The following GNL3L variants were observed in gnomAD, a reference collection of about 807,000 sequenced individuals.
GNL3L encodes the protein G protein nucleolar 3 like, also known as guanine nucleotide-binding protein-like 3-like protein.
GNL3L carries 4 observed loss-of-function variants against 42.9 expected under a neutral mutation model. The observed-to-expected ratio is 0.09, with a 90% CI of 0.05 to 0.21. GNL3L has a LOEUF of 0.21. GNL3L is among the 10% of genes least tolerant of loss of function. GNL3L has a pLI of 1.00. For missense variants in GNL3L, 412 were observed against 481.7 expected (o/e 0.86, Z 1.36); for synonymous variants, 159 against 176.3 (o/e 0.90, Z 0.78).
At chrX:54,638,932 C>T in the GNL3L span, among the ~76,000 whole-genome samples, 1 of 111,425 alleles carries the variant, frequency 9.0e-6, no homozygotes, top group Non-Finnish European at 1.9e-5. Context: ...TTTGCCCCAG[C>T]ATTACCCTGG....
intron 16 of GNL3L, among the ~76,000 whole-genome samples, chrX:54,584,283 C>T (rs1377068593): frequency 4.5e-5 from 5 of 110,105 alleles, no homozygotes; most frequent in Non-Finnish European, 9.4e-5. Context: ...CCACCCGCCT[C>T]GGCCTCTGAA....
chrX:54,533,367 C>CAA (rs771261021), intron 2 of GNL3L, among the ~76,000 whole-genome samples: 2 of 59,553 alleles, frequency 3.4e-5, no homozygotes, highest in African/African-American at 6.3e-5. Flanking sequence ...GACGCTGTCT[C>CAA]AAAAAAAAAA....
the GNL3L span, among the ~76,000 whole-genome samples, chrX:54,640,545 C>A: frequency 3.6e-5 from 4 of 112,216 alleles, no homozygotes; most frequent in Non-Finnish European, 7.5e-5. Flanking sequence ...ATTCACTTAA[C>A]CCTTCTCTTG....
rs763877065 is a variant in GNL3L, at chrX:54,608,263, A to G, written c.*46-12582A>G. Among the ~76,000 whole-genome samples, 5 of 111,503 alleles carry G rather than the reference A, an allele frequency of 4.5e-5. No homozygotes were observed. In the East Asian group the frequency reaches 1.4e-3, roughly 31 times the overall value. On this transcript the variant is annotated intron_variant, in intron 16 of 16. Coordinates refer to the GNL3L transcript ENST00000674498. ...TGGAGATACATGTCATTATTTTTAA[A>G]TTGCTTTTATATATGACACTTTAAG...
chrX:54,634,424 C>G, the GNL3L span, among the ~76,000 whole-genome samples: 1 of 112,155 alleles, frequency 8.9e-6, no homozygotes, highest in African/African-American at 3.2e-5. Context: ...GCCTCAGCCT[C>G]CCAAGTAGCT....
intron 16 of GNL3L, among the ~76,000 whole-genome samples, chrX:54,617,069 G>T (rs184620515): frequency 2.7e-5 from 3 of 111,998 alleles, no homozygotes; most frequent in Non-Finnish European, 5.6e-5. Flanking sequence ...TAACCAAGAA[G>T]GAGGCTGTTC....
intron 16 of GNL3L, among the ~76,000 whole-genome samples, chrX:54,614,784 C>T (rs1926203034): frequency 9.0e-6 from 1 of 111,481 alleles, no homozygotes; most frequent in Non-Finnish European, 1.9e-5. Flanking sequence ...CTCCTGGGTC[C>T]TGCAGGTGCA....
At chrX:54,639,237 A>G in the GNL3L span, among the ~76,000 whole-genome samples, 1 of 112,164 alleles carries the variant, frequency 8.9e-6, no homozygotes, top group African/African-American at 3.2e-5. Flanking sequence ...GTTACATTAA[A>G]AAAAATTTAA....
Position 54,545,885 on chromosome X carries a change from G to GGTC in GNL3L, c.630+1559_630+1560insGTC, listed in dbSNP as rs1924758099. ...ATACAGATATTTAGGGTCTCAATTG[G>GGTC]TCATCCAGGCCTCAGTGCAGTGGCG... On this transcript the variant is annotated intron_variant, in intron 8 of 15. Transcript: ENST00000360845. Among the ~76,000 whole-genome samples the GGTC allele has an allele frequency of 2.7e-5, 3 of 112,144 alleles. No individual in the cohort carries two copies. The Admixed American group carries it at 2.8e-4, about 11-fold the overall frequency.
chrX:54,589,087 C>T (rs906210228), intron 16 of GNL3L, among the ~76,000 whole-genome samples: 14 of 111,044 alleles, frequency 1.3e-4, no homozygotes, highest in Admixed American at 1.2e-3. Flanking sequence ...TGTTTTGATA[C>T]AGGCATGCAA....
In GNL3L at chrX:54,617,342, C is replaced by T. The variant is rs181915027; in HGVS notation, c.*46-3503C>T. 2.5e-3 allele frequency among the ~76,000 whole-genome samples: 283 copies of T among 112,079 alleles called. 1 individual carries two copies. Among genetic ancestry groups the T allele is most frequent in the African/African-American group, 8.9e-3 (275 of 30,857 alleles). On this transcript the variant is annotated intron_variant, in intron 16 of 16. Coordinates refer to the GNL3L transcript ENST00000674498. ...TTCTTGAATGAGTTGTTCACACTTA[C>T]GTTTCCTCACCTTTTACCCACTCAT...
At chrX:54,535,526 T>C (rs1388256591) in intron 2 of GNL3L, among the ~76,000 whole-genome samples, 1 of 112,155 alleles carries the variant, frequency 8.9e-6, no homozygotes, top group Non-Finnish European at 1.9e-5. Context: ...GGTAATTAAG[T>C]TATGTTGGTA....
chrX:54,548,910 G>A (rs1386732113), intron 9 of GNL3L, among the ~76,000 whole-genome samples: 1 of 111,482 alleles, frequency 9.0e-6, no homozygotes, highest in Admixed American at 9.6e-5. Context: ...AGATACAGAA[G>A]AAGACACAGA....
chrX:54,549,317 G>A (rs1183229897), intron 9 of GNL3L, among the ~76,000 whole-genome samples: 2 of 111,143 alleles, frequency 1.8e-5, no homozygotes, highest in Non-Finnish European at 3.8e-5. Flanking sequence ...CACATCTAGC[G>A]AGACAGAACC....
rs779858606 is a variant in GNL3L at position 54,541,379 on chromosome X, T to C, written c.296T>C (p.Phe99Ser). 8.6e-7 allele frequency: 1 copy of C among 1,166,418 alleles called. No individual in the cohort carries two copies. Among genetic ancestry groups the C allele is most frequent in the African/African-American group, 1.8e-5 (1 of 56,353 alleles). The change falls in exon 5 of 16, where the codon TTT (phenylalanine) becomes TCT (serine). Residue 99 changes from phenylalanine to serine, a missense_variant. Physicochemically the swap from Phe to Ser is radical, Grantham distance 155. Coordinates refer to ENST00000360845, the MANE Select transcript of GNL3L (RefSeq NM_001184819.2). ...CQDVLRRQEE[F>S]EHKEEVLQEL... is the part of the protein sequence containing the mutation. Reference sequence around the variant, plus strand: ...GATGTCCTAAGACGCCAGGAGGAGTTTGAGCATAAGGTAAGAGTGCAGCCC... The same window carrying C: ...GATGTCCTAAGACGCCAGGAGGAGTCTGAGCATAAGGTAAGAGTGCAGCCC...
Position 54,562,948 on chromosome X carries a change from C to G in GNL3L, c.*2346C>G, listed in dbSNP as rs1210602662. Among the ~76,000 whole-genome samples, 1 of 111,557 alleles carries G rather than the reference C, an allele frequency of 9.0e-6. No homozygotes were observed. Among genetic ancestry groups the G allele is most frequent in the African/African-American group, 3.3e-5 (1 of 30,678 alleles). On this transcript the variant is annotated 3_prime_UTR_variant, in exon 16 of 16. Coordinates refer to ENST00000360845, the MANE Select transcript of GNL3L (RefSeq NM_001184819.2). ...TAACAAAGGAAGATTGATTAAGCCC[C>G]TACTTTGTGCCAGTCTCTGTTATCA...
intron 16 of GNL3L, among the ~76,000 whole-genome samples, chrX:54,606,179 C>T (rs1157062678): frequency 9.0e-6 from 1 of 111,457 alleles, no homozygotes; most frequent in Non-Finnish European, 1.9e-5. Context: ...CCCTATTGAA[C>T]TACCATTAGA....
chrX:54,558,362 A>G (rs1569542175), intron 14 of GNL3L, 74 bp from the exon 15 acceptor site: 2 of 744,094 alleles, frequency 2.7e-6, no homozygotes, highest in East Asian at 3.2e-5. Flanking sequence ...CTGTGTCCCT[A>G]CCTTTTCTGC....
In GNL3L at chrX:54,587,324, A is replaced by G. The variant is rs181700492; in HGVS notation, c.*45+26677A>G. On this transcript the variant is annotated intron_variant, in intron 16 of 16. Transcript: ENST00000674498. ...CTTTGTTGGTTTTTCTCTCTGGATG[A>G]TCTGTCCAATGCTAAGAATATGGCA... Among the ~76,000 whole-genome samples, 414 of 112,348 alleles carry G rather than the reference A, an allele frequency of 3.7e-3. 1 individual carries two copies. The highest frequency in any genetic ancestry group is 5.8e-3 in the Non-Finnish European group (309 of 53,289).
Sources: allele counts gnomAD v4.1 joint callset (sites outside exome capture counted in the v4.1 genomes callset), GRCh38; gene constraint gnomAD v4.1.1; transcripts MANE v1.5; gene names NCBI Gene and HGNC (gene_info 2026-07-23, HGNC 2026-07-21).